Variants in INSL6 observed in about 807,000 individuals in gnomAD.
The protein encoded by INSL6 is insulin-like peptide INSL6.
INSL6 carries 16 observed loss-of-function variants against 9.4 expected under a neutral mutation model. The observed-to-expected ratio is 1.70, with a 90% CI of 1.15 to 2.59. The LOEUF (loss-of-function observed/expected upper bound fraction) is 2.59. Among genes scored for constraint, INSL6 ranks in the 30% most tolerant of loss-of-function variants. INSL6 has a pLI of 0.00. For missense variants in INSL6, 391 were observed against 257.3 expected (o/e 1.52, Z -3.56); for synonymous variants, 154 against 96.9 (o/e 1.59, Z -3.46).
chr9:5,132,102 C>G (rs1001410600), intron 3 of INSL6: 2 of 152,000 alleles, frequency 1.3e-5, no homozygotes, highest in East Asian at 3.9e-4. Context: ...TGAGTTTTAC[C>G]TTCTTATTGA....
At position 5,146,849 on chromosome 9, in the gene INSL6, C is replaced by T. The variant is rs372011318; in HGVS notation, c.377-13257G>A. Among the ~76,000 whole-genome samples the T allele has an allele frequency of 3.3e-5, 5 of 152,164 alleles. No homozygotes were observed. The East Asian group carries it at 7.7e-4, about 23-fold the overall frequency. ...TAGGGGCTGCCTCATTGGAGCTTTCCACCAGTCAGGCATGGTCCACTGGTG... is the reference window on the plus strand; with the variant it reads ...TAGGGGCTGCCTCATTGGAGCTTTCTACCAGTCAGGCATGGTCCACTGGTG... On this transcript the variant is annotated intron_variant, in intron 2 of 3. Coordinates refer to the INSL6 transcript ENST00000649639.
the INSL6 span, chr9:5,054,532 T>C: frequency 6.6e-7 from 1 of 1,512,466 alleles, no homozygotes; most frequent in South Asian, 1.3e-5. This position sits in a 1 kb window ranked among gnomAD's most constrained non-coding sequence, Gnocchi z 4.9. Flanking sequence ...TGTTTTGTTT[T>C]GTTTTTCTGT....
At chr9:5,179,241 G>A (rs1284296660) in intron 1 of INSL6, among the ~76,000 whole-genome samples, 3 of 152,072 alleles carry the variant, frequency 2.0e-5, no homozygotes, top group Non-Finnish European at 4.4e-5. Context: ...CATATATGTG[G>A]CCAACAAACA....
At chr9:5,159,873 G>A (rs940595705), downstream of INSL6, among the ~76,000 whole-genome samples, 4 of 152,162 alleles carry the variant, frequency 2.6e-5, no homozygotes, top group African/African-American at 7.2e-5. Context: ...GCTCATCCTC[G>A]AGAATAGACC....
intron 1 of INSL6, among the ~76,000 whole-genome samples, chr9:5,180,554 G>C (rs953194679): frequency 1.3e-5 from 2 of 152,052 alleles, no homozygotes; most frequent in African/African-American, 2.4e-5. Flanking sequence ...CAGCCGCTTC[G>C]GGAATGTCTG....
At chr9:4,993,822 G>A in the INSL6 span, among the ~76,000 whole-genome samples, 1 of 152,228 alleles carries the variant, frequency 6.6e-6, no homozygotes, top group African/African-American at 2.4e-5. Context: ...TGGGGCCACT[G>A]TTTGTGTGGA....
chr9:5,044,439 C>G, the INSL6 span: 5 of 1,613,116 alleles, frequency 3.1e-6, no homozygotes, highest in Non-Finnish European at 4.2e-6. Context: ...GTGGCAGCAA[C>G]AGAGCCTATC....
chr9:5,154,664 G>T (rs1218449507), intron 2 of INSL6, among the ~76,000 whole-genome samples: 1 of 152,176 alleles, frequency 6.6e-6, no homozygotes, highest in African/African-American at 2.4e-5. Flanking sequence ...ACTGGACGAA[G>T]GATATGAACA....
chr9:5,010,062 G>T, the INSL6 span, among the ~76,000 whole-genome samples: 1 of 152,136 alleles, frequency 6.6e-6, no homozygotes, highest in African/African-American at 2.4e-5. Context: ...ATGAGCCATC[G>T]CACCTAGCCT....
chr9:5,158,650 C>T (rs966781556), intron 2 of INSL6, among the ~76,000 whole-genome samples: 5 of 151,602 alleles, frequency 3.3e-5, no homozygotes, highest in Admixed American at 6.6e-5. Flanking sequence ...ATTCTAGAAA[C>T]ATGAAGGAGA....
the INSL6 span, among the ~76,000 whole-genome samples, chr9:5,014,542 G>A: frequency 6.6e-6 from 1 of 152,166 alleles, no homozygotes; most frequent in Middle Eastern, 3.2e-3. Flanking sequence ...TATCAGAACA[G>A]CTGTGGCCAC....
the INSL6 span, chr9:5,080,197 T>C: frequency 1.4e-5 from 21 of 1,517,612 alleles, no homozygotes; most frequent in South Asian, 2.2e-4. Context: ...TTGTGAATTA[T>C]TTAACCCTAC....
chr9:5,063,137 C>T, the INSL6 span, among the ~76,000 whole-genome samples: 1 of 152,174 alleles, frequency 6.6e-6, no homozygotes, highest in East Asian at 1.9e-4. Flanking sequence ...TCTGTGTTCT[C>T]TTTATGATTA....
chr9:5,102,243 T>G, the INSL6 span, among the ~76,000 whole-genome samples: 1 of 152,140 alleles, frequency 6.6e-6, no homozygotes, highest in Non-Finnish European at 1.5e-5. Context: ...ACAGGACGCA[T>G]GCACAAGCTT....
At chr9:5,094,572 A>G in the INSL6 span, 1 of 152,108 alleles carries the variant, frequency 6.6e-6, no homozygotes, top group Non-Finnish European at 1.5e-5. Context: ...ATGCATCACA[A>G]TGCCAGAATT....
At chr9:5,038,072 T>C in the INSL6 span, among the ~76,000 whole-genome samples, 1 of 152,204 alleles carries the variant, frequency 6.6e-6, no homozygotes, top group East Asian at 1.9e-4. Flanking sequence ...TAACTAGTGA[T>C]GCTGAGAATT....
chr9:5,038,139 A>C, the INSL6 span, among the ~76,000 whole-genome samples: 5 of 152,210 alleles, frequency 3.3e-5, no homozygotes, highest in African/African-American at 1.2e-4. Context: ...CTTCATGTAC[A>C]TTAAATAATT....
At chr9:5,059,525 C>A in the INSL6 span, among the ~76,000 whole-genome samples, 2 of 152,036 alleles carry the variant, frequency 1.3e-5, no homozygotes, top group Admixed American at 1.3e-4. Flanking sequence ...CATGAACATT[C>A]TTATACATAT....
chr9:5,092,463 C>T, the INSL6 span, among the ~76,000 whole-genome samples: 1 of 152,156 alleles, frequency 6.6e-6, no homozygotes, highest in Non-Finnish European at 1.5e-5. Flanking sequence ...TCATCACAAC[C>T]TGGTCACTTT....
Sources: allele counts gnomAD v4.1 joint callset (sites outside exome capture counted in the v4.1 genomes callset), GRCh38; gene constraint gnomAD v4.1.1; non-coding constraint Gnocchi (gnomAD v3.1); transcripts MANE v1.5; gene names NCBI Gene and HGNC (gene_info 2026-07-23, HGNC 2026-07-21).